The following KLF7 variants were observed in gnomAD, a reference collection of about 807,000 sequenced individuals.
KLF7 encodes KLF transcription factor 7, also known as Krueppel-like factor 7.
Under a neutral mutation model 27.3 loss-of-function variants are expected in KLF7, and 2 were observed. The ratio of observed to expected loss-of-function variants is 0.07; its 90% CI spans 0.03 to 0.23. The LOEUF (loss-of-function observed/expected upper bound fraction) is 0.23. KLF7 is among the 10% of genes least tolerant of loss of function. KLF7 has a pLI of 1.00. For synonymous variants in KLF7, 165 were observed against 162.4 expected, an observed-to-expected ratio of 1.02 and a Z score of -0.12; for missense variants, 221 against 394.1, an observed-to-expected ratio of 0.56 and a Z score of 3.72.
intron 1 of KLF7, among the ~76,000 whole-genome samples, chr2:207,164,782 AG>A (rs1199436220): frequency 6.6e-6 from 1 of 152,216 alleles, no homozygotes; most frequent in Non-Finnish European, 1.5e-5. Context: ...AAGAGAAACA[AG>A]GACACGCATA....
intron 1 of KLF7, among the ~76,000 whole-genome samples, chr2:207,137,985 A>G (rs1277803898): frequency 6.6e-6 from 1 of 152,210 alleles, no homozygotes; most frequent in African/African-American, 2.4e-5. Context: ...AGGGAAAAAA[A>G]TCAAGTGCTG....
rs1210634893 is a variant in KLF7, at chr2:207,081,280, A to C, written c.858-16T>G. 6.2e-7 allele frequency: 1 copy of C among 1,608,470 alleles called. No individual in the cohort carries two copies. ...GGAAAAACACCTAGGAGATATAAACAACAAGGATATTAGAGAACTCCCAGC... is the reference window on the plus strand; with the variant it reads ...GGAAAAACACCTAGGAGATATAAACCACAAGGATATTAGAGAACTCCCAGC... On this transcript the variant is annotated splice_polypyrimidine_tract_variant and intron_variant, in intron 3 of 3. Transcript: ENST00000309446.
In KLF7 at chr2:207,145,601, T is replaced by C. The variant is rs188443067; in HGVS notation, c.102+19866A>G. 2.5e-4 allele frequency among the ~76,000 whole-genome samples: 38 copies of C among 152,344 alleles called. No homozygotes were observed. The East Asian group carries it at 6.0e-3, about 24-fold the overall frequency. ...AGGAAAAGTTTTTGAGAAGAATATT[T>C]TTGGGAAGATGAGTAGAAATATTCC... is the stretch of plus-strand genomic sequence containing the variant. On this transcript the variant is annotated intron_variant, in intron 1 of 3. Transcript: ENST00000309446.
At chr2:207,091,556 T>C (rs559396821) in intron 2 of KLF7, among the ~76,000 whole-genome samples, 2 of 152,346 alleles carry the variant, frequency 1.3e-5, no homozygotes, top group Non-Finnish European at 2.9e-5. Flanking sequence ...TACTGACAAG[T>C]TGCCATTCCT....
intron 1 of KLF7, among the ~76,000 whole-genome samples, chr2:207,147,654 CA>C (rs2078133332): frequency 6.6e-6 from 1 of 152,158 alleles, no homozygotes; most frequent in Non-Finnish European, 1.5e-5. Flanking sequence ...ATAAAGGTTT[CA>C]CCCCTATTTT....
chr2:207,116,589 G>A (rs992913695), intron 2 of KLF7, among the ~76,000 whole-genome samples: 8 of 152,040 alleles, frequency 5.3e-5, no homozygotes, highest in African/African-American at 1.4e-4. Context: ...TATATTATAT[G>A]TACAGGATAA....
chr2:207,166,669 C>T (rs2078721969), upstream of KLF7: 4 of 395,590 alleles, frequency 1.0e-5, no homozygotes, highest in Non-Finnish European at 1.4e-5. Context: ...GGGCGCGGAG[C>T]GGGAAGGAAG....
chr2:207,167,675 G>A (rs967046817), upstream of KLF7, among the ~76,000 whole-genome samples: 1 of 152,094 alleles, frequency 6.6e-6, no homozygotes, highest in Admixed American at 6.5e-5. Context: ...TTACTCTAAT[G>A]TAGATGCAGA....
intron 1 of KLF7, among the ~76,000 whole-genome samples, chr2:207,125,985 C>T (rs1358143455): frequency 6.6e-6 from 1 of 152,130 alleles, no homozygotes; most frequent in Admixed American, 6.5e-5. Flanking sequence ...TAATTCTATA[C>T]TCTATTAATG....
At chr2:207,140,787 T>C (rs909313449) in intron 1 of KLF7, among the ~76,000 whole-genome samples, 3 of 152,216 alleles carry the variant, frequency 2.0e-5, no homozygotes, top group South Asian at 4.1e-4. Context: ...AGGAAGACTA[T>C]TGTGATTCAG....
chr2:207,135,111 G>C (rs951318697), intron 1 of KLF7, among the ~76,000 whole-genome samples: 1 of 152,184 alleles, frequency 6.6e-6, no homozygotes, highest in Non-Finnish European at 1.5e-5. Flanking sequence ...TCTGAGTTGG[G>C]AAGATCAACC....
chr2:207,086,392 C>T (rs1178683889), intron 3 of KLF7, among the ~76,000 whole-genome samples: 1 of 152,210 alleles, frequency 6.6e-6, no homozygotes, highest in Non-Finnish European at 1.5e-5. Context: ...TCATGAGACA[C>T]TAATGGGAAT....
At chr2:207,165,433 C>CACA in intron 1 of KLF7, 34 bp downstream of exon 1, 3 of 1,613,642 alleles carry the variant, frequency 1.9e-6, no homozygotes, top group Non-Finnish European at 2.5e-6. Flanking sequence ...CCGCCGCCAC[C>CACA]ACACGATTTA....
chr2:207,101,278 T>C (rs2076758830), intron 2 of KLF7, among the ~76,000 whole-genome samples: 1 of 152,230 alleles, frequency 6.6e-6, no homozygotes. Flanking sequence ...GGAAAGGCTC[T>C]TCACGTTAGA....
rs1384969502 is a variant in KLF7, at chr2:207,076,940, G to C, written c.*4273C>G. On this transcript the variant is annotated 3_prime_UTR_variant, in exon 4 of 4. Transcript: ENST00000309446. ...TGTTCTGGGTGCAAAATTGTAGCCA[G>C]AAATGCTGGCCCTCTTAAGATTTCA... 6.6e-6 allele frequency: 1 copy of C among 152,160 alleles called. No individual in the cohort carries two copies. Among genetic ancestry groups the C allele is most frequent in the African/African-American group, 2.4e-5 (1 of 41,430 alleles). The allele number at this position is 152,160 out of a possible 1,614,324, so 9.4% of individuals were successfully genotyped here.
intron 2 of KLF7, among the ~76,000 whole-genome samples, chr2:207,113,246 GT>G (rs562691440): frequency 9.9e-5 from 15 of 151,260 alleles, no homozygotes; most frequent in South Asian, 2.1e-4. Flanking sequence ...TATTTTGCCA[GT>G]TTTTTTTTCC....
the KLF7 span, among the ~76,000 whole-genome samples, chr2:207,173,031 G>A: frequency 6.6e-6 from 1 of 152,168 alleles, no homozygotes; most frequent in Non-Finnish European, 1.5e-5. Flanking sequence ...CTACAGTGGA[G>A]GAAAGTGTGA....
chr2:207,083,477 C>T (rs2076320800), intron 3 of KLF7, among the ~76,000 whole-genome samples: 1 of 152,140 alleles, frequency 6.6e-6, no homozygotes, highest in African/African-American at 2.4e-5. Context: ...ATTCCCACTA[C>T]CAGATGAAAC....
At chr2:207,126,019 G>C (rs1418201566) in intron 1 of KLF7, among the ~76,000 whole-genome samples, 1 of 152,176 alleles carries the variant, frequency 6.6e-6, no homozygotes, top group Non-Finnish European at 1.5e-5. Flanking sequence ...GGAAAGCTTA[G>C]TGAAAAAGTA....
Sources: allele counts gnomAD v4.1 joint callset (sites outside exome capture counted in the v4.1 genomes callset), GRCh38; gene constraint gnomAD v4.1.1; transcripts MANE v1.5; gene names NCBI Gene and HGNC (gene_info 2026-07-23, HGNC 2026-07-21).